The following PRKAR2B variants were observed in gnomAD, a reference collection of about 807,000 sequenced individuals.
The protein encoded by PRKAR2B is protein kinase cAMP-dependent type II regulatory subunit beta, also known as cAMP-dependent protein kinase type II-beta regulatory subunit.
A neutral mutation model predicts 49.9 loss-of-function variants in PRKAR2B; 14 were observed. The ratio of observed to expected loss-of-function variants is 0.28; its 90% CI spans 0.19 to 0.44. The LOEUF (loss-of-function observed/expected upper bound fraction) is 0.44, where lower values mean the gene tolerates loss of function less well. Among genes scored for constraint, PRKAR2B ranks in the 20% least tolerant of loss-of-function variants. The pLI, the probability that PRKAR2B is intolerant of heterozygous loss-of-function variation, is 1.00. For synonymous variants in PRKAR2B, 196 were observed against 197.7 expected (o/e 0.99, Z 0.07); for missense variants, 393 against 537.9 (o/e 0.73, Z 2.67).
Position 107,045,045 on chromosome 7 carries a change from A to G in PRKAR2B, c.138A>G (p.Lys46=), listed in dbSNP as rs1487069120. ...GCCTGCAGCAGGAGAACGAGCGCAA[A>G]GGCACCGCGCGCTTCGGCCATGAGG... ...FTRLQQENER[K]GTARFGHEGR... is the part of the protein sequence containing the mutation. The change falls in exon 1 of 11, where the codon AAA becomes AAG. Residue 46 remains lysine, a synonymous_variant. Coordinates refer to ENST00000265717, the MANE Select transcript of PRKAR2B (RefSeq NM_002736.3). 1.3e-6 allele frequency: 2 copies of G among 1,547,388 alleles called. No homozygotes were observed. The highest frequency in any genetic ancestry group is 2.4e-5 in the South Asian group (2 of 84,348).
At chr7:107,061,277 T>C (rs944554901) in intron 1 of PRKAR2B, among the ~76,000 whole-genome samples, 6 of 152,214 alleles carry the variant, frequency 3.9e-5, no homozygotes, top group Non-Finnish European at 8.8e-5. Flanking sequence ...AGAAAATCTT[T>C]ATTGGTAGTT....
chr7:107,133,943 G>T (rs574969271), intron 4 of PRKAR2B, among the ~76,000 whole-genome samples: 25 of 152,094 alleles, frequency 1.6e-4, no homozygotes, highest in Non-Finnish European at 2.5e-4. Flanking sequence ...GTATATTTTT[G>T]CAGGGTCATG....
intron 2 of PRKAR2B, among the ~76,000 whole-genome samples, chr7:107,101,853 G>T (rs1390803116): frequency 7.3e-6 from 1 of 137,464 alleles, no homozygotes; most frequent in African/African-American, 2.7e-5. Context: ...TATGCCTTTG[G>T]TTGATTTCCA....
At chr7:107,111,456 C>A (rs1795170418) in intron 2 of PRKAR2B, among the ~76,000 whole-genome samples, 1 of 152,142 alleles carries the variant, frequency 6.6e-6, no homozygotes, top group Non-Finnish European at 1.5e-5. Context: ...GGTGAGATCC[C>A]AGTGCCAGCT....
chr7:107,146,550 T>A (rs1436299496), intron 6 of PRKAR2B, 89 bp downstream of exon 6: 8 of 1,379,150 alleles, frequency 5.8e-6, no homozygotes, highest in Non-Finnish European at 7.9e-6. Flanking sequence ...GTATTTTAAT[T>A]TAAAGATCAT....
intron 2 of PRKAR2B, among the ~76,000 whole-genome samples, chr7:107,088,801 T>C (rs1473367050): frequency 2.0e-5 from 3 of 152,110 alleles, no homozygotes; most frequent in Non-Finnish European, 4.4e-5. Context: ...GGTTTTGCCA[T>C]GTTGGCCAGG....
At chr7:107,076,993 T>C (rs1794411472) in intron 2 of PRKAR2B, among the ~76,000 whole-genome samples, 1 of 152,212 alleles carries the variant, frequency 6.6e-6, no homozygotes, top group Non-Finnish European at 1.5e-5. Context: ...TTGTTTTGTT[T>C]GGGAAATATC....
In PRKAR2B at chr7:107,079,579, G is replaced by A. The variant is rs567111773; in HGVS notation, c.343+9263G>A. On this transcript the variant is annotated intron_variant, in intron 2 of 10. Coordinates refer to ENST00000265717, the MANE Select transcript of PRKAR2B (RefSeq NM_002736.3). Reference sequence around the variant, plus strand: ...TGCTTCAGGCCCGTGGCGTGCCTGCGTTCTGCCTCCATGTATGCCTGCTCA... The same window carrying A: ...TGCTTCAGGCCCGTGGCGTGCCTGCATTCTGCCTCCATGTATGCCTGCTCA... 5 of 152,268 alleles carry A rather than the reference G, an allele frequency of 3.3e-5. No individual in the cohort carries two copies. In the East Asian group the frequency reaches 5.8e-4, roughly 18 times the overall value. The allele number at this position is 152,268 out of a possible 1,614,324, so 9.4% of individuals were successfully genotyped here.
chr7:107,156,328 C>CT (rs903108527), intron 8 of PRKAR2B, among the ~76,000 whole-genome samples: 2 of 151,934 alleles, frequency 1.3e-5, no homozygotes, highest in African/African-American at 4.8e-5. Context: ...ATCCCAGCTA[C>CT]TTGGGAGGGT....
intron 2 of PRKAR2B, among the ~76,000 whole-genome samples, chr7:107,073,513 C>T (rs1359088262): frequency 6.6e-6 from 1 of 152,050 alleles, no homozygotes; most frequent in African/African-American, 2.4e-5. Flanking sequence ...CGAAGAGAAG[C>T]GTAGATGGGC....
chr7:107,126,122 G>A (rs1226812170), intron 3 of PRKAR2B, among the ~76,000 whole-genome samples: 3 of 146,320 alleles, frequency 2.1e-5, no homozygotes, highest in Admixed American at 6.8e-5. Flanking sequence ...GGCCAGGCGC[G>A]CTGGCTCACG....
chr7:107,094,807 C>T (rs558992543), intron 2 of PRKAR2B, among the ~76,000 whole-genome samples: 1 of 152,226 alleles, frequency 6.6e-6, no homozygotes, highest in South Asian at 2.1e-4. Context: ...TGTCAAAGAT[C>T]AGATGGTTGT....
At chr7:107,128,467 A>T (rs1795540178) in intron 4 of PRKAR2B, among the ~76,000 whole-genome samples, 172 bp downstream of exon 4, 3 of 152,090 alleles carry the variant, frequency 2.0e-5, no homozygotes, top group Non-Finnish European at 4.4e-5. Flanking sequence ...GCAGGAGAGG[A>T]ATATTGAGTT....
intron 1 of PRKAR2B, among the ~76,000 whole-genome samples, chr7:107,047,770 A>G (rs1437603647): frequency 1.3e-5 from 2 of 152,190 alleles, no homozygotes; most frequent in Non-Finnish European, 1.5e-5. Flanking sequence ...TAGATATCTC[A>G]AGGAAGTTTG....
At chr7:107,049,482 G>A (rs1793760190) in intron 1 of PRKAR2B, among the ~76,000 whole-genome samples, 1 of 152,166 alleles carries the variant, frequency 6.6e-6, no homozygotes, top group African/African-American at 2.4e-5. Context: ...CCCATGTCCA[G>A]TCTTGTTGGA....
chr7:107,121,194 T>C (rs1472203373), intron 2 of PRKAR2B, among the ~76,000 whole-genome samples: 1 of 151,938 alleles, frequency 6.6e-6, no homozygotes, highest in African/African-American at 2.4e-5. Flanking sequence ...CTAAAAATGG[T>C]CATACAATTT....
At chr7:107,135,416 A>G in intron 4 of PRKAR2B, among the ~76,000 whole-genome samples, 1 of 152,188 alleles carries the variant, frequency 6.6e-6, no homozygotes, top group South Asian at 2.1e-4. Context: ...AAGTGTAGTA[A>G]AATGTATTGA....
intron 2 of PRKAR2B, among the ~76,000 whole-genome samples, chr7:107,117,159 A>T (rs1795290784): frequency 6.6e-6 from 1 of 151,532 alleles, no homozygotes; most frequent in South Asian, 2.1e-4. Context: ...AAAATACAGT[A>T]AGTCTTTTTG....
chr7:107,157,590 C>T (rs1796117424), intron 10 of PRKAR2B, among the ~76,000 whole-genome samples: 2 of 152,234 alleles, frequency 1.3e-5, no homozygotes, highest in Admixed American at 6.5e-5. Context: ...TTCCAAGTAC[C>T]ACGTTTTATA....
Sources: gnomAD v4.1 joint callset for allele counts (sites outside exome capture counted in the v4.1 genomes callset) on GRCh38, gnomAD v4.1.1 for gene constraint, MANE v1.5 for transcripts, NCBI Gene and HGNC (gene_info 2026-07-23, HGNC 2026-07-21) for gene names.